Variants in LRFN5 observed in about 807,000 individuals in gnomAD.
LRFN5 encodes the protein leucine-rich repeat and fibronectin type-III domain-containing protein 5.
A neutral mutation model predicts 45.6 loss-of-function variants in LRFN5; 24 were observed. The observed-to-expected ratio is 0.53, with a 90% CI of 0.38 to 0.74. The LOEUF (loss-of-function observed/expected upper bound fraction) is 0.74, where lower values mean the gene tolerates loss of function less well. Among genes scored for constraint, LRFN5 ranks in the 30% least tolerant of loss-of-function variants. The pLI, the probability that LRFN5 is intolerant of heterozygous loss-of-function variation, is 0.00. For synonymous variants in LRFN5, 340 were observed against 313.8 expected, an observed-to-expected ratio of 1.08 and a Z score of -0.88; for missense variants, 776 against 861.5, an observed-to-expected ratio of 0.90 and a Z score of 1.24.
At chr14:41,872,425 A>G (rs2139120807) in intron 2 of LRFN5, among the ~76,000 whole-genome samples, 1 of 152,350 alleles carries the variant, frequency 6.6e-6, no homozygotes, top group Non-Finnish European at 1.5e-5. Context: ...ATTTAAAATC[A>G]CACTGTAACC....
intron 1 of LRFN5, among the ~76,000 whole-genome samples, chr14:41,672,215 T>C (rs567703071): frequency 2.0e-5 from 3 of 152,366 alleles, no homozygotes; most frequent in African/African-American, 7.2e-5. Context: ...AGAAATACAA[T>C]TGGCATTAGG....
intron 1 of LRFN5, among the ~76,000 whole-genome samples, chr14:41,648,434 A>G (rs544153499): frequency 2.0e-5 from 3 of 152,272 alleles, no homozygotes; most frequent in Admixed American, 1.3e-4. Flanking sequence ...CAGTAATCTT[A>G]GTCTAGGCAA....
At chr14:41,750,885 C>T (rs1265826699) in intron 1 of LRFN5, among the ~76,000 whole-genome samples, 2 of 152,032 alleles carry the variant, frequency 1.3e-5, no homozygotes, top group Non-Finnish European at 2.9e-5. Flanking sequence ...AGTTTTGTTA[C>T]ATAGGTATAC....
intron 2 of LRFN5, among the ~76,000 whole-genome samples, chr14:41,862,972 C>G (rs1423176619): frequency 6.7e-6 from 1 of 150,190 alleles, no homozygotes; most frequent in East Asian, 2.0e-4. Flanking sequence ...TCACGCCATT[C>G]TCCTGCCTCA....
intron 2 of LRFN5, among the ~76,000 whole-genome samples, chr14:41,819,197 C>G (rs897739939): frequency 5.3e-5 from 8 of 152,110 alleles, no homozygotes; most frequent in Non-Finnish European, 1.0e-4. Flanking sequence ...CATACCAGTG[C>G]AGGTGTCACT....
At chr14:41,628,895 A>G (rs1391411935) in intron 1 of LRFN5, among the ~76,000 whole-genome samples, 1 of 152,144 alleles carries the variant, frequency 6.6e-6, no homozygotes, top group Non-Finnish European at 1.5e-5. Flanking sequence ...CGCATACTAC[A>G]TAAGGCACAG....
At position 41,803,211 on chromosome 14, in the gene LRFN5, A is replaced by C. The variant is rs1887398911; in HGVS notation, c.-21+36182A>C. 2.6e-5 allele frequency among the ~76,000 whole-genome samples: 4 copies of C among 152,204 alleles called. No homozygotes were observed. The South Asian group carries it at 8.3e-4, about 32-fold the overall frequency. Reference sequence around the variant, plus strand: ...CAAATAATATATTTCAGTATTTGTCATTAAGATTCTTTTGATAGCCAATGG... The same window carrying C: ...CAAATAATATATTTCAGTATTTGTCCTTAAGATTCTTTTGATAGCCAATGG... On this transcript the variant is annotated intron_variant, in intron 2 of 5. Transcript: ENST00000298119.
In LRFN5 at chr14:41,886,840, C is replaced by T. The variant is rs866872649; in HGVS notation, c.215C>T (p.Ala72Val). The T allele has an allele frequency of 6.2e-7, 1 of 1,613,906 alleles. No homozygotes were observed. Among genetic ancestry groups the T allele is most frequent in the Non-Finnish European group, 8.5e-7 (1 of 1,179,926 alleles). ...ACAAATATTAAAAGGAAAGATTTTGCCAATATGACCAGCTTGGTGGACCTG... is the reference window on the plus strand; with the variant it reads ...ACAAATATTAAAAGGAAAGATTTTGTCAATATGACCAGCTTGGTGGACCTG... Reference protein sequence around the residue: ...FVTNIKRKDFANMTSLVDLTL... With the variant: ...FVTNIKRKDFVNMTSLVDLTL... Residue 72 changes from alanine (A) to valine (V), a missense_variant, in exon 3 of 6, where the codon GCC becomes GTC. Transcript: ENST00000298119.
At chr14:41,730,674 G>C (rs144812032) in intron 1 of LRFN5, among the ~76,000 whole-genome samples, 2 of 151,540 alleles carry the variant, frequency 1.3e-5, no homozygotes, top group African/African-American at 4.8e-5. Flanking sequence ...TCTATTTTAC[G>C]TAATGATTTT....
At chr14:41,763,945 C>A (rs559090109) in intron 1 of LRFN5, among the ~76,000 whole-genome samples, 34 of 152,208 alleles carry the variant, frequency 2.2e-4, no homozygotes, top group South Asian at 1.9e-3. Flanking sequence ...TTTTCTAAGA[C>A]TATGCTAAGA....
intron 2 of LRFN5, among the ~76,000 whole-genome samples, chr14:41,828,339 A>T (rs73319477): frequency 1.3e-4 from 20 of 152,186 alleles, no homozygotes; most frequent in African/African-American, 4.6e-4. Context: ...CAAACAAATC[A>T]TCTATTTTGT....
chr14:41,730,435 A>G (rs1884122442), intron 1 of LRFN5, among the ~76,000 whole-genome samples: 1 of 152,032 alleles, frequency 6.6e-6, no homozygotes, highest in Admixed American at 6.6e-5. Context: ...GATTTAGAAT[A>G]TAATGGACTT....
At chr14:41,866,115 A>G (rs2139108069) in intron 2 of LRFN5, among the ~76,000 whole-genome samples, 1 of 152,128 alleles carries the variant, frequency 6.6e-6, no homozygotes, top group Non-Finnish European at 1.5e-5. Context: ...CTAAAAAACT[A>G]CTCCCAATTT....
chr14:41,786,495 T>A (rs149582108), intron 2 of LRFN5, among the ~76,000 whole-genome samples: 293 of 151,870 alleles, frequency 1.9e-3, no homozygotes, highest in African/African-American at 6.8e-3. Flanking sequence ...TTCTTCTGTA[T>A]GTAGTGTATG....
chr14:41,614,770 A>T (rs1348279665), intron 1 of LRFN5, among the ~76,000 whole-genome samples: 1 of 152,108 alleles, frequency 6.6e-6, no homozygotes, highest in Admixed American at 6.6e-5. Flanking sequence ...TGACTTATGC[A>T]ATCAGACGGT....
At chr14:41,715,692 C>G (rs1252543006) in intron 1 of LRFN5, among the ~76,000 whole-genome samples, 1 of 152,208 alleles carries the variant, frequency 6.6e-6, no homozygotes, top group Non-Finnish European at 1.5e-5. Context: ...TACAGTCTCC[C>G]TCCTGGCTGC....
intron 2 of LRFN5, among the ~76,000 whole-genome samples, chr14:41,809,455 C>T (rs1176362328): frequency 1.3e-5 from 2 of 151,270 alleles, no homozygotes; most frequent in African/African-American, 4.9e-5. Flanking sequence ...GTATAGCAAC[C>T]CAATCATTAC....
At chr14:41,652,238 ACAT>A (rs1880162449) in intron 1 of LRFN5, among the ~76,000 whole-genome samples, 1 of 152,130 alleles carries the variant, frequency 6.6e-6, no homozygotes, top group South Asian at 2.1e-4. Flanking sequence ...TAATCTTTCA[ACAT>A]CATATTTTAA....
intron 1 of LRFN5, among the ~76,000 whole-genome samples, chr14:41,718,586 T>C (rs1877291163): frequency 6.6e-6 from 1 of 152,222 alleles, no homozygotes. Context: ...TCGTTTCTCA[T>C]GCCACCTGCA....
Sources: gnomAD v4.1 joint callset for allele counts (sites outside exome capture counted in the v4.1 genomes callset) on GRCh38, gnomAD v4.1.1 for gene constraint, MANE v1.5 for transcripts, NCBI Gene and HGNC (gene_info 2026-07-23, HGNC 2026-07-21) for gene names.